The following RNF4 variants were observed in gnomAD, a reference collection of about 807,000 sequenced individuals.
The protein encoded by RNF4 is ring finger protein 4.
A neutral mutation model predicts 24.3 loss-of-function variants in RNF4; 7 were observed. That is an observed-to-expected ratio of 0.29 (90% CI 0.16 to 0.54). The LOEUF is 0.54. Ranked by LOEUF, RNF4 falls within the 20% of genes least tolerant of loss-of-function variation. The pLI is 0.95. For missense variants in RNF4, 209 were observed against 248.5 expected, an observed-to-expected ratio of 0.84 and a Z score of 1.07; for synonymous variants, 83 against 84.3, an observed-to-expected ratio of 0.98 and a Z score of 0.09.
At chr4:2,481,527 TGC>T (rs560309393) in intron 1 of RNF4, among the ~76,000 whole-genome samples, 6 of 152,316 alleles carry the variant, frequency 3.9e-5, no homozygotes, top group Admixed American at 3.9e-4. Context: ...GAGCAATACT[TGC>T]AATATTCTTG....
At chr4:2,490,634 T>A in intron 2 of RNF4, 132 bp downstream of exon 2, 1 of 923,146 alleles carries the variant, frequency 1.1e-6, no homozygotes, top group Non-Finnish European at 1.6e-6. Flanking sequence ...GGAGTATGTA[T>A]AGGAGCTTTC....
rs555302192 is a variant in RNF4 at position 2,512,795 on chromosome 4, GAC to G, written c.374+202_374+203del. Among the ~76,000 whole-genome samples, 19 of 152,320 alleles carry G rather than the reference GAC, an allele frequency of 1.2e-4. No homozygotes were observed. The South Asian group carries it at 2.9e-3, about 23-fold the overall frequency. ...CTGTAACCAGAGGATGCCAAGCGCT[GAC>G]ACAGTGTGTGCAGACAGTCCCAGTG... On this transcript the variant is annotated intron_variant, in intron 6 of 7. Coordinates refer to ENST00000314289, the MANE Select transcript of RNF4 (RefSeq NM_002938.5). The surrounding 1 kb of genome is among the most constrained non-coding windows in gnomAD (Gnocchi z 4.1).
intron 2 of RNF4, among the ~76,000 whole-genome samples, chr4:2,496,321 C>T (rs1372176450): frequency 2.6e-5 from 4 of 152,178 alleles, no homozygotes; most frequent in Non-Finnish European, 2.9e-5. Flanking sequence ...AAAGGCTGAA[C>T]ACAAAGTCAA....
rs578107893 is a variant in RNF4, at chr4:2,476,120, C to T, written c.-158+6862C>T. Among the ~76,000 whole-genome samples the T allele has an allele frequency of 7.2e-5, 11 of 152,240 alleles. No individual in the cohort carries two copies. The East Asian group carries it at 2.1e-3, about 29-fold the overall frequency. Reference sequence around the variant, plus strand: ...CAAAGTTATTTTTCCTAAGTTTTCTCCTCTCACCAGCTAAGGGAAGTTGTC... The same window carrying T: ...CAAAGTTATTTTTCCTAAGTTTTCTTCTCTCACCAGCTAAGGGAAGTTGTC... On this transcript the variant is annotated intron_variant, in intron 1 of 7. Coordinates refer to ENST00000314289, the MANE Select transcript of RNF4 (RefSeq NM_002938.5).
chr4:2,486,939 G>A (rs756186520), intron 1 of RNF4, among the ~76,000 whole-genome samples: 1 of 152,140 alleles, frequency 6.6e-6, no homozygotes, highest in Non-Finnish European at 1.5e-5. Context: ...AGAAACATTC[G>A]TGGATATGAG....
chr4:2,513,629 C>G, intron 7 of RNF4, 41 bp from the exon 8 acceptor site: 1 of 1,609,636 alleles, frequency 6.2e-7, no homozygotes, highest in Non-Finnish European at 8.5e-7. Flanking sequence ...TGCTCTGGGA[C>G]AAGGGCAAAC....
At chr4:2,472,541 C>G (rs1734937268) in intron 1 of RNF4, among the ~76,000 whole-genome samples, 1 of 148,530 alleles carries the variant, frequency 6.7e-6, no homozygotes, top group Non-Finnish European at 1.5e-5. Context: ...CGCTTGAGCT[C>G]AGGAGTTAGA....
Position 2,506,847 on chromosome 4 carries a change from G to C in RNF4, c.205-5109G>C, listed in dbSNP as rs532479406. On this transcript the variant is annotated intron_variant, in intron 4 of 7. Coordinates refer to ENST00000314289, the MANE Select transcript of RNF4 (RefSeq NM_002938.5). ...GGTTTCCCAAAGTGCTGGGATTGTA[G>C]TTGTGAGCCACTGAGCCTGACCTTG... 2.0e-5 allele frequency among the ~76,000 whole-genome samples: 3 copies of C among 152,280 alleles called. No homozygotes were observed. In the East Asian group the frequency reaches 5.8e-4, roughly 29 times the overall value.
At chr4:2,502,843 CA>C (rs61616696) in intron 4 of RNF4, among the ~76,000 whole-genome samples, 91,293 of 130,686 alleles carry the variant, frequency 0.7, 30,595 homozygotes, top group Middle Eastern at 0.81. Context: ...GACTCTGTCT[CA>C]AAAAAAAAAA....
chr4:2,478,079 T>C (rs1351947456), intron 1 of RNF4, among the ~76,000 whole-genome samples: 1 of 152,202 alleles, frequency 6.6e-6, no homozygotes, highest in Non-Finnish European at 1.5e-5. Context: ...GGGTCACTCC[T>C]GTTATGTTTC....
In RNF4 at chr4:2,512,333, T is replaced by TC; in HGVS notation, c.215-102dup. The TC allele has an allele frequency of 7.4e-7, 1 of 1,347,464 alleles. No homozygotes were observed. Among genetic ancestry groups the TC allele is most frequent in the South Asian group, 1.3e-5 (1 of 79,380 alleles). The allele number at this position is 1,347,464 out of a possible 1,614,324, so 83.5% of individuals were successfully genotyped here. A position where few individuals can be genotyped will look rare whatever the true frequency, so the allele number is the denominator to read the frequency against. ...CATGGCAGCAGTTTGTCTCTGGGGG[T>TC]CCCAGGCAGGGAAGGAAGAGGGTCT... On this transcript the variant is annotated intron_variant, in intron 5 of 7. Coordinates refer to ENST00000314289, the MANE Select transcript of RNF4 (RefSeq NM_002938.5). This position sits in a 1 kb window ranked among gnomAD's most constrained non-coding sequence, Gnocchi z 4.1.
intron 1 of RNF4, among the ~76,000 whole-genome samples, chr4:2,474,841 A>G (rs1485765781): frequency 3.3e-5 from 5 of 152,166 alleles, no homozygotes; most frequent in Non-Finnish European, 7.3e-5. Flanking sequence ...CCTGGCCAAC[A>G]TGGAGAAACC....
chr4:2,473,374 T>A (rs1004448048), intron 1 of RNF4, among the ~76,000 whole-genome samples: 2 of 150,492 alleles, frequency 1.3e-5, no homozygotes, highest in African/African-American at 5.0e-5. Flanking sequence ...ACAGTGAGAT[T>A]CCGTCTTAAA....
At chr4:2,476,705 T>TTTC (rs1553876950) in intron 1 of RNF4, among the ~76,000 whole-genome samples, 3 of 80,480 alleles carry the variant, frequency 3.7e-5, no homozygotes, top group African/African-American at 6.5e-5. Context: ...TCTTTCTTTC[T>TTTC]TTTTTTTTTT....
intron 3 of RNF4, among the ~76,000 whole-genome samples, chr4:2,499,727 A>G (rs996426574): frequency 2.6e-5 from 4 of 152,234 alleles, no homozygotes; most frequent in Admixed American, 1.3e-4. Flanking sequence ...ACATCACAGT[A>G]TACCCTAAGG....
intron 1 of RNF4, chr4:2,481,162 AACTG>A (rs1301262171): frequency 1.3e-5 from 2 of 152,226 alleles, no homozygotes; most frequent in African/African-American, 4.8e-5. Flanking sequence ...ACAATCTGTA[AACTG>A]ACTGAGGCCC....
chr4:2,512,562 C>T lies in RNF4; in HGVS notation c.339C>T (p.Pro113=), dbSNP rs757013685. ...ACGTATATGTGACTACCCATACTCC[C>T]AGAAACGCCAGGGATGAGGGCGCTA... The part of the protein sequence containing the change: ...DRDVYVTTHT[P]RNARDEGATG... Residue 113 remains proline, a synonymous_variant, in exon 6 of 8, where the codon CCC becomes CCT. Coordinates refer to ENST00000314289, the MANE Select transcript of RNF4 (RefSeq NM_002938.5). This position sits in a 1 kb window ranked among gnomAD's most constrained non-coding sequence, Gnocchi z 4.1. 6.2e-7 allele frequency: 1 copy of T among 1,613,794 alleles called. No individual in the cohort carries two copies. The highest frequency in any genetic ancestry group is 8.5e-7 in the Non-Finnish European group (1 of 1,179,838).
At position 2,512,401 on chromosome 4, in the gene RNF4, A is replaced by G. The variant is rs1313064522; in HGVS notation, c.215-37A>G. On this transcript the variant is annotated intron_variant, in intron 5 of 7. Transcript: ENST00000314289. This position sits in a 1 kb window ranked among gnomAD's most constrained non-coding sequence, Gnocchi z 4.1. Reference sequence around the variant, plus strand: ...GGAGTGGTGAGGATGGTAAGAGTAGAGAGCCTCCAACCTGAAAATGTGACC... The same window carrying G: ...GGAGTGGTGAGGATGGTAAGAGTAGGGAGCCTCCAACCTGAAAATGTGACC... 1.3e-6 allele frequency: 2 copies of G among 1,578,802 alleles called. No homozygotes were observed. The highest frequency in any genetic ancestry group is 1.7e-6 in the Non-Finnish European group (2 of 1,162,316).
chr4:2,475,587 C>G (rs1479519883), intron 1 of RNF4, among the ~76,000 whole-genome samples: 1 of 152,198 alleles, frequency 6.6e-6, no homozygotes, highest in African/African-American at 2.4e-5. Flanking sequence ...ATCCACCCGC[C>G]TCAGCCTCCC....
Sources: gnomAD v4.1 joint callset for allele counts (sites outside exome capture counted in the v4.1 genomes callset) on GRCh38, gnomAD v4.1.1 for gene constraint, Gnocchi (gnomAD v3.1) non-coding constraint, MANE v1.5 for transcripts, NCBI Gene and HGNC (gene_info 2026-07-23, HGNC 2026-07-21) for gene names.